PDE4D: variants seen among roughly 807,000 people sequenced by gnomAD.
PDE4D encodes 3',5'-cyclic-AMP phosphodiesterase 4D.
A neutral mutation model predicts 87.4 loss-of-function variants in PDE4D; 24 were observed. That is an observed-to-expected ratio of 0.27 (90% CI 0.20 to 0.39). The LOEUF is 0.39. PDE4D is among the 10% of genes least tolerant of loss of function. The probability of loss-of-function intolerance (pLI) is 1.00; values close to 1 mark genes in which losing one functional copy is unlikely to be tolerated. For synonymous variants in PDE4D, 384 were observed against 383.2 expected, an observed-to-expected ratio of 1.00 and a Z score of -0.02; for missense variants, 714 against 1,041.0, an observed-to-expected ratio of 0.69 and a Z score of 4.32.
intron 1 of PDE4D, among the ~76,000 whole-genome samples, chr5:59,852,055 G>T (rs1284050289): frequency 6.6e-6 from 1 of 152,034 alleles, no homozygotes; most frequent in African/African-American, 2.4e-5. Flanking sequence ...TAGTACACCT[G>T]GCTTAGATGA....
intron 2 of PDE4D, among the ~76,000 whole-genome samples, chr5:59,195,612 A>G (rs1230917774): frequency 6.6e-6 from 1 of 152,214 alleles, no homozygotes; most frequent in Non-Finnish European, 1.5e-5. Flanking sequence ...TTGGAATTTC[A>G]GCTCTGCCAC....
rs1252081646 is a variant in PDE4D at position 60,045,755 on chromosome 5, C to G, written c.43-57038G>C. On this transcript the variant is annotated intron_variant, in intron 2 of 16. Coordinates refer to the PDE4D transcript ENST00000502484. ...TTTGGTACCAGTACCATGCTGTTTT[C>G]ATTACTGTAGCCTTGTAGTATAGTT... 7.9e-5 allele frequency among the ~76,000 whole-genome samples: 12 copies of G among 152,206 alleles called. No homozygotes were observed. In the South Asian group the frequency reaches 1.0e-3, roughly 13 times the overall value.
At chr5:59,915,729 T>C (rs1753965672) in intron 3 of PDE4D, among the ~76,000 whole-genome samples, 1 of 152,198 alleles carries the variant, frequency 6.6e-6, no homozygotes, top group Non-Finnish European at 1.5e-5. Flanking sequence ...TTCCCTCTCA[T>C]ATTCGTGTCT....
Position 59,200,239 on chromosome 5 carries a change from A to C in PDE4D, c.648-6703T>G, listed in dbSNP as rs116453023. On this transcript the variant is annotated intron_variant, in intron 2 of 14. Transcript: ENST00000340635. Reference sequence around the variant, plus strand: ...CGTGTATGTATACATACATATGTGTATGTACAGCTACACGTATACATACAT... The same window carrying C: ...CGTGTATGTATACATACATATGTGTCTGTACAGCTACACGTATACATACAT... 5.4e-4 allele frequency among the ~76,000 whole-genome samples: 78 copies of C among 144,918 alleles called. 1 individual carries two copies. Among genetic ancestry groups the C allele is most frequent in the African/African-American group, 1.8e-3 (67 of 37,882 alleles).
intron 1 of PDE4D, among the ~76,000 whole-genome samples, chr5:59,344,744 T>C (rs976149496): frequency 1.3e-5 from 2 of 152,160 alleles, no homozygotes; most frequent in Admixed American, 6.6e-5. Context: ...TGTCTGGTAA[T>C]AAAGTGATAT....
chr5:59,145,242 A>G (rs1778460194), intron 5 of PDE4D, among the ~76,000 whole-genome samples: 1 of 152,160 alleles, frequency 6.6e-6, no homozygotes, highest in Non-Finnish European at 1.5e-5. Context: ...CTGGAGGTCC[A>G]GTGATTTTTC....
chr5:60,356,212 C>T (rs1759607692), intron 1 of PDE4D, among the ~76,000 whole-genome samples: 1 of 152,098 alleles, frequency 6.6e-6, no homozygotes, highest in South Asian at 2.1e-4. Context: ...ATTACATTCC[C>T]ATTAATATTA....
At chr5:58,984,762 T>C (rs1167800724) in intron 11 of PDE4D, among the ~76,000 whole-genome samples, 2 of 152,250 alleles carry the variant, frequency 1.3e-5, no homozygotes, top group Non-Finnish European at 2.9e-5. Flanking sequence ...ATCTTTGCTA[T>C]TAACAAAAAT....
chr5:60,053,382 T>C (rs1770416369), intron 2 of PDE4D, among the ~76,000 whole-genome samples: 1 of 152,112 alleles, frequency 6.6e-6, no homozygotes, highest in African/African-American at 2.4e-5. Flanking sequence ...TCAGAAATAA[T>C]GCCACACATC....
chr5:59,298,724 G>A (rs1192729663), intron 1 of PDE4D, among the ~76,000 whole-genome samples: 4 of 152,072 alleles, frequency 2.6e-5, no homozygotes, highest in African/African-American at 9.7e-5. Context: ...TTGTTTTGAA[G>A]GTTTATGATA....
intron 1 of PDE4D, among the ~76,000 whole-genome samples, chr5:59,688,809 T>C (rs1446694355): frequency 6.6e-6 from 1 of 151,850 alleles, no homozygotes; most frequent in Non-Finnish European, 1.5e-5. Context: ...ATCAACAAAA[T>C]TGACGGACCA....
rs12655925 is a variant in PDE4D, at chr5:60,109,416, C to T, written c.42+76141G>A. Among the ~76,000 whole-genome samples the T allele has an allele frequency of 2.8e-4, 43 of 151,086 alleles. No individual in the cohort carries two copies. The East Asian group carries it at 7.0e-3, about 25-fold the overall frequency. On this transcript the variant is annotated intron_variant, in intron 2 of 16. Transcript: ENST00000502484. The stretch of plus-strand genomic sequence containing the variant: ...GAACACTTTTACACTGTTGGTGGGA[C>T]TGTAAACTAGTTCAACCATTGTGGA...
At chr5:59,647,574 G>A (rs986536693) in intron 1 of PDE4D, among the ~76,000 whole-genome samples, 23 of 151,354 alleles carry the variant, frequency 1.5e-4, no homozygotes, top group African/African-American at 4.1e-4. Flanking sequence ...ATCTTAAACC[G>A]TATCTTCTAC....
intron 6 of PDE4D, among the ~76,000 whole-genome samples, chr5:59,030,148 C>T (rs1757078793): frequency 6.6e-6 from 1 of 151,920 alleles, no homozygotes; most frequent in African/African-American, 2.4e-5. Flanking sequence ...GGATAGGACT[C>T]CAAAAGCACA....
intron 5 of PDE4D, among the ~76,000 whole-genome samples, chr5:59,124,791 T>G (rs896267605): frequency 7.9e-5 from 12 of 152,158 alleles, no homozygotes; most frequent in African/African-American, 2.9e-4. Flanking sequence ...TGGCAGAGGT[T>G]GTTCTGGAGA....
intron 2 of PDE4D, among the ~76,000 whole-genome samples, chr5:60,015,879 T>A (rs1306798933): frequency 6.6e-6 from 1 of 151,326 alleles, no homozygotes; most frequent in Non-Finnish European, 1.5e-5. Flanking sequence ...CATGACCAAA[T>A]GAACCAATTC....
At chr5:60,305,214 G>T (rs1273957632) in intron 1 of PDE4D, among the ~76,000 whole-genome samples, 1 of 151,988 alleles carries the variant, frequency 6.6e-6, no homozygotes, top group Non-Finnish European at 1.5e-5. Context: ...TTTATGAAAA[G>T]AAAACAGGAT....
chr5:60,070,014 T>C (rs1171066924), intron 2 of PDE4D, among the ~76,000 whole-genome samples: 1 of 152,156 alleles, frequency 6.6e-6, no homozygotes, highest in African/African-American at 2.4e-5. Flanking sequence ...CAACTGATTC[T>C]GGTATGTTGA....
chr5:60,395,302 G>GTT (rs35241782), intron 1 of PDE4D, among the ~76,000 whole-genome samples: 18 of 150,288 alleles, frequency 1.2e-4, no homozygotes, highest in African/African-American at 2.0e-4. Context: ...AAAATGTAAG[G>GTT]TTTTTTTTTT....
Sources: gnomAD v4.1 joint callset for allele counts (sites outside exome capture counted in the v4.1 genomes callset) on GRCh38, gnomAD v4.1.1 for gene constraint, MANE v1.5 for transcripts, NCBI Gene and HGNC (gene_info 2026-07-23, HGNC 2026-07-21) for gene names.